The following DNAJC7 variants were observed in gnomAD, a reference collection of about 807,000 sequenced individuals.
The protein encoded by DNAJC7 is dnaJ homolog subfamily C member 7.
In DNAJC7, 18 loss-of-function variants were observed where a neutral mutation model predicts 67.4. That is an observed-to-expected ratio of 0.27 (90% CI 0.18 to 0.40). The LOEUF (loss-of-function observed/expected upper bound fraction) is 0.40. Ranked by LOEUF, DNAJC7 falls within the 10% of genes least tolerant of loss-of-function variation. The pLI, the probability that DNAJC7 is intolerant of heterozygous loss-of-function variation, is 1.00. For missense variants in DNAJC7, 419 were observed against 613.8 expected (o/e 0.68, Z 3.35); for synonymous variants, 220 against 207.8 (o/e 1.06, Z -0.50).
intron 9 of DNAJC7, chr17:41,986,154 T>A (rs2051372928): frequency 6.9e-6 from 1 of 143,992 alleles, no homozygotes; most frequent in South Asian, 2.4e-4. Context: ...TCACTTGTCA[T>A]CAGGAGTTTG....
chr17:42,017,217 G>T (rs528662746), intron 1 of DNAJC7, 123 bp downstream of exon 1: 1 of 1,596,182 alleles, frequency 6.3e-7, no homozygotes, highest in East Asian at 2.2e-5. Flanking sequence ...ATCTCAGATG[G>T]GGGGGTGTTT....
chr17:41,990,481 G>A (rs2051486146), intron 5 of DNAJC7, 99 bp from the exon 6 acceptor site: 1 of 931,072 alleles, frequency 1.1e-6, no homozygotes. Context: ...AACTCAATGA[G>A]GTCTTTGGGT....
At chr17:41,988,593 G>C in intron 8 of DNAJC7, 139 bp downstream of exon 8, 1 of 1,050,976 alleles carries the variant, frequency 9.5e-7, no homozygotes, top group Non-Finnish European at 1.3e-6. Context: ...CCTCTTGGAA[G>C]GGAGTTCCTA....
chr17:41,989,273 GA>G, intron 7 of DNAJC7, 130 bp downstream of exon 7: 1 of 1,282,804 alleles, frequency 7.8e-7, no homozygotes, highest in Non-Finnish European at 1.1e-6. Flanking sequence ...TTCTAATAAA[GA>G]CCAAGCATCC....
At chr17:42,016,479 C>T (rs1168460125) in intron 1 of DNAJC7, 2 of 152,190 alleles carry the variant, frequency 1.3e-5, no homozygotes, top group East Asian at 1.9e-4. Flanking sequence ...GTCAATTCTG[C>T]TTTAGGATTA....
intron 1 of DNAJC7, among the ~76,000 whole-genome samples, chr17:42,002,204 C>T (rs1295218440): frequency 6.6e-6 from 1 of 152,198 alleles, no homozygotes; most frequent in Non-Finnish European, 1.5e-5. Flanking sequence ...TTCGATTAGT[C>T]AAACTGCTGT....
At chr17:42,001,509 T>C (rs1555649472) in intron 1 of DNAJC7, among the ~76,000 whole-genome samples, 1 of 152,202 alleles carries the variant, frequency 6.6e-6, no homozygotes, top group Non-Finnish European at 1.5e-5. Flanking sequence ...GTAACCTCTA[T>C]CAAGATACTC....
intron 7 of DNAJC7, 112 bp from the exon 8 acceptor site, chr17:41,989,008 C>A: frequency 7.7e-7 from 1 of 1,305,156 alleles, no homozygotes; most frequent in South Asian, 1.3e-5. Context: ...TTCAGCATCA[C>A]AGAGCCCCGC....
chr17:42,006,991 A>G (rs1555650421), intron 1 of DNAJC7, among the ~76,000 whole-genome samples: 2 of 150,400 alleles, frequency 1.3e-5, no homozygotes, highest in Non-Finnish European at 3.0e-5. Flanking sequence ...AGTCCCAGCT[A>G]CTCAGTAGGC....
intron 2 of DNAJC7, among the ~76,000 whole-genome samples, chr17:41,997,937 A>T (rs1357859483): frequency 6.6e-6 from 1 of 152,152 alleles, no homozygotes; most frequent in African/African-American, 2.4e-5. Flanking sequence ...ATCTCTGCTC[A>T]CTGCATCCTC....
At chr17:42,004,564 T>C (rs2051895667) in intron 1 of DNAJC7, among the ~76,000 whole-genome samples, 1 of 152,186 alleles carries the variant, frequency 6.6e-6, no homozygotes, top group Non-Finnish European at 1.5e-5. Flanking sequence ...AGTAATAAAG[T>C]TGCATGAAAA....
At chr17:42,009,522 A>G (rs1250907567) in intron 1 of DNAJC7, among the ~76,000 whole-genome samples, 1 of 152,200 alleles carries the variant, frequency 6.6e-6, no homozygotes. Flanking sequence ...AAACATATTC[A>G]CTTGGAAATA....
Position 41,988,606 on chromosome 17 carries a change from A to C in DNAJC7, c.918+126T>G, listed in dbSNP as rs955663972. ...TGCCTCTTGGAAGGGAGTTCCTAAC[A>C]AACTATTAACCATAACAACTTTCCC... On this transcript the variant is annotated intron_variant, in intron 8 of 13. Transcript: ENST00000457167. The C allele has an allele frequency of 5.8e-6, 7 of 1,202,140 alleles. No homozygotes were observed. In the African/African-American group the frequency reaches 1.1e-4, roughly 19 times the overall value. The allele number at this position is 1,202,140 out of a possible 1,614,324, so 74.5% of individuals were successfully genotyped here. A position where few individuals can be genotyped will look rare whatever the true frequency, so the allele number is the denominator to read the frequency against.
At chr17:41,986,245 A>G (rs1375580098) in intron 9 of DNAJC7, among the ~76,000 whole-genome samples, 1 of 151,906 alleles carries the variant, frequency 6.6e-6, no homozygotes, top group Admixed American at 6.6e-5. Flanking sequence ...ATGCGCCGGT[A>G]ATCTCAGCTA....
intron 9 of DNAJC7, among the ~76,000 whole-genome samples, chr17:41,986,302 G>A (rs1258367458): frequency 6.6e-6 from 1 of 151,918 alleles, no homozygotes; most frequent in East Asian, 1.9e-4. Context: ...GGAGGTGGAG[G>A]TTGCAGTGAG....
intron 10 of DNAJC7, 59 bp downstream of exon 10, chr17:41,983,504 A>T: frequency 7.0e-7 from 1 of 1,433,770 alleles, no homozygotes; most frequent in Non-Finnish European, 9.6e-7. Context: ...CCTTGTGTAC[A>T]GATTTATGGC....
chr17:41,996,940 C>A (rs1284316424), intron 3 of DNAJC7, among the ~76,000 whole-genome samples, 175 bp downstream of exon 3: 1 of 152,174 alleles, frequency 6.6e-6, no homozygotes, highest in Non-Finnish European at 1.5e-5. Flanking sequence ...TACTCATACT[C>A]AGTGATTAAA....
chr17:42,005,399 G>C (rs1316345359), intron 1 of DNAJC7, among the ~76,000 whole-genome samples: 2 of 152,144 alleles, frequency 1.3e-5, no homozygotes, highest in Non-Finnish European at 2.9e-5. Context: ...ATACTTCCAA[G>C]TTGAACACTT....
intron 5 of DNAJC7, 53 bp from the exon 6 acceptor site, chr17:41,990,435 T>C (rs2051485282): frequency 6.8e-7 from 1 of 1,466,176 alleles, no homozygotes; most frequent in South Asian, 1.2e-5. Context: ...TCCAGAAACA[T>C]CTTCACTTTA....
Sources: gnomAD v4.1 joint callset for allele counts (sites outside exome capture counted in the v4.1 genomes callset) on GRCh38, gnomAD v4.1.1 for gene constraint, MANE v1.5 for transcripts, NCBI Gene and HGNC (gene_info 2026-07-23, HGNC 2026-07-21) for gene names.